The following GARRE1 variants were observed in gnomAD, a reference collection of about 807,000 sequenced individuals.
GARRE1 encodes the protein granule associated Rac and RHOG effector 1, also known as granule associated Rac and RHOG effector protein 1.
Under a neutral mutation model 103.2 loss-of-function variants are expected in GARRE1, and 49 were observed. That is an observed-to-expected ratio of 0.47 (90% confidence interval 0.38 to 0.60). The LOEUF (loss-of-function observed/expected upper bound fraction) is 0.60, where lower values mean the gene tolerates loss of function less well. Ranked by LOEUF, GARRE1 falls within the 20% of genes least tolerant of loss-of-function variation. The pLI, the probability that GARRE1 is intolerant of heterozygous loss-of-function variation, is 0.00. For missense variants in GARRE1, 1,199 were observed against 1,370.5 expected (o/e 0.87, Z 1.98); for synonymous variants, 505 against 532.8 (o/e 0.95, Z 0.72).
At chr19:34,303,621 T>C (rs2073991913) in intron 2 of GARRE1, among the ~76,000 whole-genome samples, 1 of 152,228 alleles carries the variant, frequency 6.6e-6, no homozygotes, top group Non-Finnish European at 1.5e-5. Context: ...TTCTTTGTTT[T>C]TGTTTTTGTT....
At chr19:34,329,013 A>C (rs541257325) in intron 6 of GARRE1, among the ~76,000 whole-genome samples, 11 of 152,358 alleles carry the variant, frequency 7.2e-5, no homozygotes, top group African/African-American at 2.2e-4. Flanking sequence ...ACTTGTATGA[A>C]TTAAATAAGA....
At chr19:34,316,931 C>T (rs796171333) in intron 2 of GARRE1, among the ~76,000 whole-genome samples, 1 of 152,226 alleles carries the variant, frequency 6.6e-6, no homozygotes. Flanking sequence ...TCTCTTCCCC[C>T]ACTCCTTCCT....
Position 34,319,962 on chromosome 19 carries a change from A to C in GARRE1, c.551A>C (p.His184Pro). 1 of 1,614,212 alleles carries C rather than the reference A, an allele frequency of 6.2e-7. No individual in the cohort carries two copies. Among genetic ancestry groups the C allele is most frequent in the Non-Finnish European group, 8.5e-7 (1 of 1,180,042 alleles). The change falls in exon 3 of 14, where the codon CAT (histidine) becomes CCT (proline). Residue 184 changes from histidine to proline, a missense_variant. His to Pro is a moderately conservative substitution (Grantham distance 77, BLOSUM62 -2). Coordinates refer to ENST00000299505, the MANE Select transcript of GARRE1 (RefSeq NM_014686.5). ...CAAGTCCATTTCCAGTTTTTGACTCATGCGTTACAGAAGGTCCAGCCGGTG... is the reference window on the plus strand; with the variant it reads ...CAAGTCCATTTCCAGTTTTTGACTCCTGCGTTACAGAAGGTCCAGCCGGTG... ...VVQVHFQFLT[H>P]ALQKVQPVAH...
At chr19:34,271,834 C>A (rs2599558) in intron 1 of GARRE1, among the ~76,000 whole-genome samples, 131,602 of 148,434 alleles carry the variant, frequency 0.89, 58,851 homozygotes, top group Non-Finnish European at 0.97. Flanking sequence ...GTCTCAAAAA[C>A]AAAAACAAAA....
rs924350553 is a variant in GARRE1 at position 34,330,292 on chromosome 19, C to T, written c.1208C>T (p.Thr403Ile). The change falls in exon 7 of 14, where the codon ACA becomes ATA. Residue 403 changes from threonine (T) to isoleucine (I), a missense_variant. Physicochemically the swap from Thr to Ile is moderately conservative, Grantham distance 89. Coordinates refer to ENST00000299505, the MANE Select transcript of GARRE1 (RefSeq NM_014686.5). ...TEVLNQVCPS[T>I]WRGACKTAVQ... ...GTGCTGAACCAGGTTTGCCCTTCCA[C>T]ATGGCGAGGTGCCTGCAAGACGGCG... 1.9e-6 allele frequency: 3 copies of T among 1,614,110 alleles called. No homozygotes were observed. In the African/African-American group the frequency reaches 4.0e-5, roughly 22 times the overall value.
chr19:34,332,262 C>CA (rs1321371344), intron 7 of GARRE1, among the ~76,000 whole-genome samples: 28 of 151,894 alleles, frequency 1.8e-4, no homozygotes, highest in Admixed American at 1.8e-3. Flanking sequence ...TAGGGACCTC[C>CA]AAAAGAAGTA....
intron 1 of GARRE1, among the ~76,000 whole-genome samples, chr19:34,259,864 TAGTG>T (rs1348612691): frequency 6.6e-6 from 1 of 152,224 alleles, no homozygotes; most frequent in East Asian, 1.9e-4. Flanking sequence ...ATGCTTGTGA[TAGTG>T]AGCAACTTCT....
intron 1 of GARRE1, among the ~76,000 whole-genome samples, chr19:34,274,749 A>G (rs1219480985): frequency 6.6e-6 from 1 of 152,212 alleles, no homozygotes; most frequent in Admixed American, 6.5e-5. Flanking sequence ...GGGGCAACTA[A>G]GAATGGCCAG....
At chr19:34,311,979 A>T (rs538453785) in intron 2 of GARRE1, among the ~76,000 whole-genome samples, 1 of 151,142 alleles carries the variant, frequency 6.6e-6, no homozygotes, top group South Asian at 2.1e-4. Context: ...AATTATTATT[A>T]TTATTTTTAT....
intron 2 of GARRE1, among the ~76,000 whole-genome samples, chr19:34,306,445 G>T (rs2074007780): frequency 6.6e-6 from 1 of 152,244 alleles, no homozygotes; most frequent in Non-Finnish European, 1.5e-5. Context: ...GACAGATACT[G>T]ATGCCTTTGT....
At position 34,320,108 on chromosome 19, in the gene GARRE1, G is replaced by A. The variant is rs960883080; in HGVS notation, c.697G>A (p.Ala233Thr). The change falls in exon 3 of 14, where the codon GCT becomes ACT. Residue 233 changes from alanine to threonine, a missense_variant. By Grantham distance (58) the Ala-to-Thr change is moderately conservative. Transcript: ENST00000299505. ...GGAAGCTGTGCGGTCCTGGCGGGGG[G>A]CTGCTGAGGTAACCCTGGCTTTGGG... ...VEEAVRSWRGAAEATSRLRER... is the reference protein window; with the variant it reads ...VEEAVRSWRGTAEATSRLRER... 2 of 1,613,664 alleles carry A rather than the reference G, an allele frequency of 1.2e-6. No homozygotes were observed. Among genetic ancestry groups the A allele is most frequent in the South Asian group, 2.2e-5 (2 of 91,054 alleles).
chr19:34,259,605 A>G (rs1169435755), intron 1 of GARRE1, among the ~76,000 whole-genome samples: 2 of 152,112 alleles, frequency 1.3e-5, no homozygotes, highest in Non-Finnish European at 2.9e-5. Flanking sequence ...TGTCTTATTT[A>G]CTGCTTTGAT....
chr19:34,352,848 A>ACCCG lies in GARRE1; in HGVS notation c.3109_3110insGCCC (p.Pro1037ArgfsTer26). On this transcript the variant is annotated frameshift_variant, in exon 14 of 14. Coordinates refer to ENST00000299505, the MANE Select transcript of GARRE1 (RefSeq NM_014686.5). LOFTEE classifies it high-confidence loss of function. ...TGCCGCTGCCTTCTCCTATGTGCAG[A>ACCCG]CCCCACCCCAGCCCCCACCCCCACC... 1 of 1,591,636 alleles carries ACCCG rather than the reference A, an allele frequency of 6.3e-7. No homozygotes were observed. The highest frequency in any genetic ancestry group is 8.6e-7 in the Non-Finnish European group (1 of 1,166,618).
chr19:34,335,606 G>T (rs1415762766), intron 8 of GARRE1, among the ~76,000 whole-genome samples: 1 of 152,154 alleles, frequency 6.6e-6, no homozygotes. Context: ...GCTCACTGCA[G>T]CCTCTTCCGC....
chr19:34,300,730 C>T lies in GARRE1; in HGVS notation c.257C>T (p.Ala86Val). The change falls in exon 2 of 14, where the codon GCC becomes GTC. Residue 86 changes from alanine to valine, a missense_variant. Coordinates refer to ENST00000299505, the MANE Select transcript of GARRE1 (RefSeq NM_014686.5). ...CAGGGCATCTCCAAGTATCTGGATGCCCTGAACGTCTTCTGCCGTGCCAGT... is the reference window on the plus strand; with the variant it reads ...CAGGGCATCTCCAAGTATCTGGATGTCCTGAACGTCTTCTGCCGTGCCAGT... ...IQQGISKYLD[A>V]LNVFCRASTF... The T allele has an allele frequency of 1.2e-6, 2 of 1,614,224 alleles. No individual in the cohort carries two copies. Among genetic ancestry groups the T allele is most frequent in the Non-Finnish European group, 1.7e-6 (2 of 1,180,046 alleles).
intron 1 of GARRE1, among the ~76,000 whole-genome samples, chr19:34,265,283 A>G (rs2073744937): frequency 6.6e-6 from 1 of 152,130 alleles, no homozygotes; most frequent in Admixed American, 6.6e-5. Flanking sequence ...TGGCTCCCAG[A>G]CTTGGGTGCC....
chr19:34,347,457 G>A (rs2074217147), intron 10 of GARRE1, among the ~76,000 whole-genome samples: 1 of 152,180 alleles, frequency 6.6e-6, no homozygotes, highest in Non-Finnish European at 1.5e-5. Flanking sequence ...GAACTTCTGG[G>A]CTCAAGCGAT....
intron 2 of GARRE1, among the ~76,000 whole-genome samples, chr19:34,309,848 T>C (rs985762502): frequency 2.6e-5 from 4 of 152,120 alleles, no homozygotes; most frequent in Admixed American, 6.6e-5. Context: ...GGGAGCATTA[T>C]TGAGTAGTTA....
At chr19:34,256,374 G>A (rs2145946846) in intron 1 of GARRE1, among the ~76,000 whole-genome samples, 1 of 151,906 alleles carries the variant, frequency 6.6e-6, no homozygotes, top group African/African-American at 2.4e-5. Context: ...AAACACATTA[G>A]CCAAGCATGG....
Sources: allele counts gnomAD v4.1 joint callset (sites outside exome capture counted in the v4.1 genomes callset), GRCh38; gene constraint gnomAD v4.1.1; transcripts MANE v1.5; gene names NCBI Gene and HGNC (gene_info 2026-07-23, HGNC 2026-07-21).